GRM7: variants seen among roughly 807,000 people sequenced by gnomAD.
GRM7 encodes metabotropic glutamate receptor 7.
In GRM7, 35 loss-of-function variants were observed where a neutral mutation model predicts 84.5. That is an observed-to-expected ratio of 0.41 (90% CI 0.32 to 0.55). The LOEUF (loss-of-function observed/expected upper bound fraction) is 0.55, where lower values mean the gene tolerates loss of function less well. Among genes scored for constraint, GRM7 ranks in the 20% least tolerant of loss-of-function variants. GRM7 has a pLI of 0.19. For missense variants in GRM7, 1,003 were observed against 1,194.6 expected (o/e 0.84, Z 2.36); for synonymous variants, 487 against 455.1 (o/e 1.07, Z -0.89).
At chr3:7,259,612 C>A (rs1462126225) in intron 2 of GRM7, among the ~76,000 whole-genome samples, 1 of 152,176 alleles carries the variant, frequency 6.6e-6, no homozygotes, top group Non-Finnish European at 1.5e-5. Flanking sequence ...CTGCAAAGGA[C>A]ATGATCTCAT....
rs1457925901 is a variant in GRM7 at position 6,861,533 on chromosome 3, G to T, written c.145G>T (p.Val49Phe). 1 of 1,580,204 alleles carries T rather than the reference G, an allele frequency of 6.3e-7. No homozygotes were observed. Among genetic ancestry groups the T allele is most frequent in the Non-Finnish European group, 8.6e-7 (1 of 1,163,834 alleles). ...GCACTCAATCCGGATCGAGGGGGAC[G>T]TCACCCTCGGGGGGCTGTTCCCCGT... ...APHSIRIEGD[V>F]TLGGLFPVHA... The change falls in exon 1 of 10, where the codon GTC (valine) becomes TTC (phenylalanine). Residue 49 changes from valine (V) to phenylalanine (F), a missense_variant. Around this residue, in one of 2 missense-constraint regions of GRM7, gnomAD observed 93 missense variants for 68.6 expected, o/e 1.36. Coordinates refer to ENST00000357716, the MANE Select transcript of GRM7 (RefSeq NM_000844.4). The surrounding 1 kb of genome is among the most constrained non-coding windows in gnomAD (Gnocchi z 6.4).
chr3:6,961,524 T>A (rs1309316611), intron 1 of GRM7, among the ~76,000 whole-genome samples: 1 of 152,116 alleles, frequency 6.6e-6, no homozygotes, highest in Non-Finnish European at 1.5e-5. Context: ...TCCATGGACC[T>A]TTACACCAAC....
rs186703904 is a variant in GRM7, at chr3:7,325,882, C to T, written c.1033+19230C>T. On this transcript the variant is annotated intron_variant, in intron 4 of 9. Coordinates refer to ENST00000357716, the MANE Select transcript of GRM7 (RefSeq NM_000844.4). ...GTTTACAGTTTTTTTGTCTCTCTCT[C>T]GACAATGAAGAAATGCATGCCTACA... Among the ~76,000 whole-genome samples, 791 of 152,070 alleles carry T rather than the reference C, an allele frequency of 5.2e-3. 2 individuals are homozygous for T. The highest frequency in any genetic ancestry group is 9.2e-3 in the Non-Finnish European group (626 of 67,986).
chr3:7,197,869 C>G (rs6443095), intron 2 of GRM7, among the ~76,000 whole-genome samples: 3,024 of 151,964 alleles, frequency 0.02, 94 homozygotes, highest in African/African-American at 0.069. Flanking sequence ...AACATAGTAC[C>G]TTGGGAGAAG....
intron 7 of GRM7, among the ~76,000 whole-genome samples, chr3:7,570,317 GAGACA>G (rs1363194060): frequency 2.6e-5 from 4 of 152,252 alleles, no homozygotes; most frequent in East Asian, 1.9e-4. Context: ...CGTCTCATCT[GAGACA>G]AGACAAGTCC....
chr3:7,628,875 G>A (rs1363827350), intron 8 of GRM7, among the ~76,000 whole-genome samples: 1 of 152,194 alleles, frequency 6.6e-6, no homozygotes, highest in African/African-American at 2.4e-5. Flanking sequence ...TGACTGCTTA[G>A]CTGCGTATCA....
At chr3:7,087,886 C>A (rs1698518807) in intron 1 of GRM7, among the ~76,000 whole-genome samples, 1 of 152,118 alleles carries the variant, frequency 6.6e-6, no homozygotes, top group South Asian at 2.1e-4. Flanking sequence ...CCAGCATTGC[C>A]ATCTTTGTCT....
Position 7,271,297 on chromosome 3 carries a change from C to T in GRM7, c.737-27387C>T, listed in dbSNP as rs148244647. On this transcript the variant is annotated intron_variant, in intron 2 of 9. Transcript: ENST00000357716. The stretch of plus-strand genomic sequence containing the variant: ...AATCTCGGCCGGGCGCAGTGGCTAA[C>T]GCCTGTAATCCCAACACTTTGGGAG... 6.3e-3 allele frequency among the ~76,000 whole-genome samples: 962 copies of T among 152,168 alleles called. 13 individuals are homozygous for T. Among genetic ancestry groups the T allele is most frequent in the African/African-American group, 0.022 (915 of 41,516 alleles).
At chr3:7,386,264 C>A (rs954113258) in intron 4 of GRM7, among the ~76,000 whole-genome samples, 1 of 151,930 alleles carries the variant, frequency 6.6e-6, no homozygotes, top group Non-Finnish European at 1.5e-5. Context: ...TTTTAAAGTT[C>A]TTTTTTAATG....
chr3:7,507,569 C>A (rs962517084), intron 7 of GRM7, among the ~76,000 whole-genome samples: 3 of 152,114 alleles, frequency 2.0e-5, no homozygotes, highest in Admixed American at 1.3e-4. Context: ...AGATAAAAGC[C>A]GAGGCCAAGT....
intron 8 of GRM7, among the ~76,000 whole-genome samples, chr3:7,637,624 T>C (rs1698159015): frequency 6.6e-6 from 1 of 152,178 alleles, no homozygotes. Flanking sequence ...GCACACCTGT[T>C]TGAAACATGA....
chr3:7,040,195 C>A (rs1239414387), intron 1 of GRM7, among the ~76,000 whole-genome samples: 1 of 152,182 alleles, frequency 6.6e-6, no homozygotes, highest in East Asian at 1.9e-4. Flanking sequence ...CTAGTTCCAG[C>A]GTCTCTACAA....
At chr3:6,980,143 C>T (rs1214285865) in intron 1 of GRM7, among the ~76,000 whole-genome samples, 5 of 152,042 alleles carry the variant, frequency 3.3e-5, no homozygotes, top group Non-Finnish European at 7.4e-5. Context: ...TCCATTCTTT[C>T]ATTCTTTCAC....
intron 2 of GRM7, among the ~76,000 whole-genome samples, chr3:7,271,907 T>C (rs997509525): frequency 1.2e-4 from 19 of 152,158 alleles, no homozygotes; most frequent in African/African-American, 4.6e-4. Flanking sequence ...TTCTCTAAGA[T>C]CCGTGTTTCT....
chr3:7,536,654 G>T (rs1485249981), intron 7 of GRM7, among the ~76,000 whole-genome samples: 1 of 152,120 alleles, frequency 6.6e-6, no homozygotes, highest in East Asian at 1.9e-4. Flanking sequence ...CACTAGCTTG[G>T]GGGCAGCCAA....
intron 4 of GRM7, among the ~76,000 whole-genome samples, chr3:7,401,480 G>T (rs1028637730): frequency 6.6e-6 from 1 of 152,040 alleles, no homozygotes; most frequent in African/African-American, 2.4e-5. Context: ...AGAGCATGAA[G>T]TACTCCTACT....
At chr3:7,080,258 T>C (rs1698234106) in intron 1 of GRM7, among the ~76,000 whole-genome samples, 1 of 152,090 alleles carries the variant, frequency 6.6e-6, no homozygotes, top group Non-Finnish European at 1.5e-5. Flanking sequence ...TAAGCACTTC[T>C]AAGACTGTTA....
chr3:6,960,827 G>A (rs1693270086), intron 1 of GRM7, among the ~76,000 whole-genome samples: 1 of 152,030 alleles, frequency 6.6e-6, no homozygotes, highest in Non-Finnish European at 1.5e-5. Flanking sequence ...CCTGGGGGTT[G>A]GATGTCATTC....
intron 1 of GRM7, among the ~76,000 whole-genome samples, chr3:6,902,197 T>G (rs1231451855): frequency 6.6e-6 from 1 of 152,226 alleles, no homozygotes; most frequent in Non-Finnish European, 1.5e-5. Context: ...ATACTTCTAA[T>G]ACATGGCATT....
Sources: gnomAD v4.1 joint callset for allele counts (sites outside exome capture counted in the v4.1 genomes callset) on GRCh38, gnomAD v4.1.1 for gene constraint, gnomAD v4.1.1 regional missense constraint, Gnocchi (gnomAD v3.1) non-coding constraint, MANE v1.5 for transcripts, NCBI Gene and HGNC (gene_info 2026-07-23, HGNC 2026-07-21) for gene names.